ARID5B: variants seen among roughly 807,000 people sequenced by gnomAD.
The protein encoded by ARID5B is AT-rich interactive domain-containing protein 5B.
A neutral mutation model predicts 97.2 loss-of-function variants in ARID5B; 13 were observed. The ratio of observed to expected loss-of-function variants is 0.13; its 90% CI spans 0.09 to 0.21. The LOEUF (loss-of-function observed/expected upper bound fraction) is 0.21, where lower values mean the gene tolerates loss of function less well. ARID5B is among the 10% of genes least tolerant of loss of function. The pLI, the probability that ARID5B is intolerant of heterozygous loss-of-function variation, is 1.00. For missense variants in ARID5B, 1,210 were observed against 1,465.3 expected (o/e 0.83, Z 2.84); for synonymous variants, 556 against 570.3 (o/e 0.97, Z 0.36).
intron 3 of ARID5B, among the ~76,000 whole-genome samples, chr10:61,991,041 T>TACACACACACACACACACACACAC (rs397802272): frequency 1.6e-4 from 23 of 145,154 alleles, no homozygotes; most frequent in Admixed American, 2.1e-4. Flanking sequence ...ATTTATCCTG[T>TACACACACACACACACACACACAC]ACACACACAC....
chr10:61,998,276 C>T (rs1425979932), intron 3 of ARID5B, among the ~76,000 whole-genome samples: 2 of 152,212 alleles, frequency 1.3e-5, no homozygotes, highest in African/African-American at 4.8e-5. Flanking sequence ...ATTCGTCTCC[C>T]ACTGGTTACC....
At chr10:61,939,035 T>C (rs575334335) in intron 2 of ARID5B, among the ~76,000 whole-genome samples, 2 of 148,584 alleles carry the variant, frequency 1.3e-5, no homozygotes, top group Non-Finnish European at 3.0e-5. Flanking sequence ...GAAAAAGTCA[T>C]GTTTGGGGAG....
In ARID5B at chr10:62,091,387, C is replaced by T. The variant is rs1840369880; in HGVS notation, c.1924C>T (p.Leu642Phe). The change falls in exon 10 of 10, where the codon CTC (leucine) becomes TTC (phenylalanine). Residue 642 changes from leucine (L) to phenylalanine (F), a missense_variant. Leu to Phe is a conservative substitution (Grantham distance 22, BLOSUM62 0). Transcript: ENST00000279873. Reference sequence around the variant, plus strand: ...GGGCAGTGACGACATCCACAATGCGCTCAAGCAGACCCCAAAGGTCCTTGT... The same window carrying T: ...GGGCAGTGACGACATCCACAATGCGTTCAAGCAGACCCCAAAGGTCCTTGT... ...QLGSDDIHNALKQTPKVLVVQ... is the reference protein window; with the variant it reads ...QLGSDDIHNAFKQTPKVLVVQ... 6.2e-7 allele frequency: 1 copy of T among 1,614,028 alleles called. No homozygotes were observed. The highest frequency in any genetic ancestry group is 8.5e-7 in the Non-Finnish European group (1 of 1,179,936).
At chr10:62,003,356 T>C (rs772118751) in intron 4 of ARID5B, among the ~76,000 whole-genome samples, 20 of 152,044 alleles carry the variant, frequency 1.3e-4, no homozygotes, top group Non-Finnish European at 2.5e-4. Context: ...TGGATAGAGA[T>C]GGAAATCTTG....
chr10:61,954,744 T>C (rs1376041210), intron 3 of ARID5B, among the ~76,000 whole-genome samples: 7 of 152,086 alleles, frequency 4.6e-5, no homozygotes, highest in Non-Finnish European at 1.0e-4. Flanking sequence ...CTATGGGCCA[T>C]GAGCAGTGGC....
chr10:62,040,718 C>T (rs1326721313), intron 4 of ARID5B, among the ~76,000 whole-genome samples: 1 of 152,024 alleles, frequency 6.6e-6, no homozygotes, highest in Non-Finnish European at 1.5e-5. Context: ...AATATGCAAT[C>T]AATATAAAAT....
intron 3 of ARID5B, among the ~76,000 whole-genome samples, chr10:61,951,471 T>C (rs139261196): frequency 2.0e-5 from 3 of 152,362 alleles, no homozygotes; most frequent in African/African-American, 7.2e-5. Flanking sequence ...ACCTTAAATA[T>C]TGGCATTCCG....
intron 7 of ARID5B, among the ~76,000 whole-genome samples, chr10:62,068,871 T>G (rs997880540): frequency 1.3e-5 from 2 of 152,194 alleles, no homozygotes; most frequent in Admixed American, 6.5e-5. Flanking sequence ...AAAAATAAAA[T>G]TAAAGGAAAA....
At chr10:61,998,188 G>T (rs1490853191) in intron 3 of ARID5B, among the ~76,000 whole-genome samples, 8 of 152,164 alleles carry the variant, frequency 5.3e-5, no homozygotes, top group Non-Finnish European at 1.0e-4. Context: ...CTGGGTATTG[G>T]CCTCCTATCT....
chr10:61,938,251 C>T (rs1844339982), intron 2 of ARID5B, among the ~76,000 whole-genome samples: 1 of 152,114 alleles, frequency 6.6e-6, no homozygotes, highest in Non-Finnish European at 1.5e-5. Context: ...CATGCCATTT[C>T]TTGGAAAAGA....
Position 62,095,279 on chromosome 10 carries a change from C to A in ARID5B, c.*2249C>A, listed in dbSNP as rs184604912. 6 of 233,120 alleles carry A rather than the reference C, an allele frequency of 2.6e-5. No individual in the cohort carries two copies. In the Admixed American group the frequency reaches 3.4e-4, roughly 13 times the overall value. 14.4% of individuals were successfully genotyped at this position (233,120 alleles called of 1,614,324 possible). A position where few individuals can be genotyped will look rare whatever the true frequency, so the allele number is the denominator to read the frequency against. On this transcript the variant is annotated 3_prime_UTR_variant, in exon 10 of 10. Coordinates refer to ENST00000279873, the MANE Select transcript of ARID5B (RefSeq NM_032199.3). The stretch of plus-strand genomic sequence containing the variant: ...AAAGTTGCACTAGATTGAATGGTCA[C>A]AGAATCGGAGGACATGGAAGAAAAA...
At chr10:62,028,316 A>G (rs980753185) in intron 4 of ARID5B, among the ~76,000 whole-genome samples, 1 of 152,164 alleles carries the variant, frequency 6.6e-6, no homozygotes, top group Admixed American at 6.5e-5. Flanking sequence ...GTACAAAAAT[A>G]CTAGTTTGTA....
At position 61,937,671 on chromosome 10, in the gene ARID5B, G is replaced by A. The variant is rs12783187; in HGVS notation, c.277-2512G>A. Reference sequence around the variant, plus strand: ...AGTGCTAATTCTCAGTTTGCAGAGAGCTAATGTAATCATGAGATGAGCTTA... The same window carrying A: ...AGTGCTAATTCTCAGTTTGCAGAGAACTAATGTAATCATGAGATGAGCTTA... On this transcript the variant is annotated intron_variant, in intron 2 of 9. Transcript: ENST00000279873. Among the ~76,000 whole-genome samples the A allele has an allele frequency of 7.3e-3, 1,114 of 152,336 alleles. 3 individuals carry two copies. The highest frequency in any genetic ancestry group is 0.013 in the Non-Finnish European group (868 of 68,026).
intron 2 of ARID5B, among the ~76,000 whole-genome samples, chr10:61,926,886 AGTGCT>A (rs756448556): frequency 1.4e-4 from 21 of 152,150 alleles, no homozygotes; most frequent in Non-Finnish European, 2.5e-4. Context: ...GGCCTCCCAA[AGTGCT>A]GGGATTACAG....
At chr10:61,907,177 G>C (rs975684723) in intron 2 of ARID5B, among the ~76,000 whole-genome samples, 1 of 152,162 alleles carries the variant, frequency 6.6e-6, no homozygotes, top group African/African-American at 2.4e-5. Context: ...AAAATAAAAA[G>C]TGTCTTAAGG....
intron 4 of ARID5B, among the ~76,000 whole-genome samples, chr10:62,003,470 G>A (rs1839107615): frequency 2.0e-5 from 3 of 152,116 alleles, no homozygotes; most frequent in African/African-American, 7.2e-5. Flanking sequence ...AAAAACTATT[G>A]GAAATGTCTA....
At chr10:62,023,956 C>T (rs1037883821) in intron 4 of ARID5B, among the ~76,000 whole-genome samples, 2 of 152,132 alleles carry the variant, frequency 1.3e-5, no homozygotes, top group African/African-American at 4.8e-5. Flanking sequence ...CTTCTGTATC[C>T]ACACAAAGAT....
At chr10:62,065,441 T>C (rs1839974015) in intron 7 of ARID5B, among the ~76,000 whole-genome samples, 1 of 152,172 alleles carries the variant, frequency 6.6e-6, no homozygotes, top group Admixed American at 6.5e-5. Flanking sequence ...CCGAAAATGG[T>C]AAGCATTGGT....
chr10:62,009,183 T>C (rs12254336), intron 4 of ARID5B, among the ~76,000 whole-genome samples: 2,042 of 152,332 alleles, frequency 0.013, 46 homozygotes, highest in African/African-American at 0.046. Context: ...CTGGGCTTTA[T>C]GTTCCCTTAG....
Sources: allele counts gnomAD v4.1 joint callset (sites outside exome capture counted in the v4.1 genomes callset), GRCh38; gene constraint gnomAD v4.1.1; transcripts MANE v1.5; gene names NCBI Gene and HGNC (gene_info 2026-07-23, HGNC 2026-07-21).